Variants in LGR5 observed in about 807,000 individuals in gnomAD.
LGR5 encodes leucine-rich repeat-containing G protein-coupled receptor 5.
A neutral mutation model predicts 76.7 loss-of-function variants in LGR5; 54 were observed. The ratio of observed to expected loss-of-function variants is 0.70; its 90% CI spans 0.57 to 0.88. The LOEUF is 0.88. LGR5 is among the 40% of genes least tolerant of loss of function. The pLI is 0.00. For missense variants in LGR5, 1,078 were observed against 1,073.3 expected, an observed-to-expected ratio of 1.00 and a Z score of -0.06; for synonymous variants, 406 against 421.9, an observed-to-expected ratio of 0.96 and a Z score of 0.46.
At chr12:71,538,081 T>C (rs1156528068) in intron 4 of LGR5, among the ~76,000 whole-genome samples, 2 of 152,194 alleles carry the variant, frequency 1.3e-5, no homozygotes, top group African/African-American at 4.8e-5. Context: ...CCTGGCCTTG[T>C]ATAAAGAGTA....
At chr12:71,442,957 G>A (rs1486819517) in intron 1 of LGR5, among the ~76,000 whole-genome samples, 2 of 152,110 alleles carry the variant, frequency 1.3e-5, no homozygotes, top group Non-Finnish European at 2.9e-5. Flanking sequence ...CACTCCACTG[G>A]GGCCCAGTAG....
At chr12:71,468,383 C>T (rs1872945833) in intron 1 of LGR5, among the ~76,000 whole-genome samples, 1 of 152,120 alleles carries the variant, frequency 6.6e-6, no homozygotes, top group African/African-American at 2.4e-5. Context: ...GTTTGAGGCA[C>T]AATTGCAGAG....
chr12:71,461,484 T>G (rs1234855886), intron 1 of LGR5, among the ~76,000 whole-genome samples: 7 of 152,182 alleles, frequency 4.6e-5, no homozygotes, highest in Non-Finnish European at 8.8e-5. Flanking sequence ...TTTCCGCCTT[T>G]TAGTCTATTT....
chr12:71,582,868 G>A (rs745955372), intron 17 of LGR5, among the ~76,000 whole-genome samples: 3 of 151,816 alleles, frequency 2.0e-5, no homozygotes, highest in Non-Finnish European at 2.9e-5. Flanking sequence ...TGTAATCACC[G>A]ACATTTGAAA....
In LGR5 at chr12:71,439,827, G is replaced by T; in HGVS notation, c.-254G>T. ...CACACCGCTCAGGCCGCGAGCAGCA[G>T]CAAGGCGCACCGCCACTGTCGCCGC... On this transcript the variant is annotated 5_prime_UTR_variant, in exon 1 of 18. Coordinates refer to ENST00000266674, the MANE Select transcript of LGR5 (RefSeq NM_003667.4). The T allele has an allele frequency of 2.1e-6, 1 of 486,696 alleles. No homozygotes were observed. Among genetic ancestry groups the T allele is most frequent in the Non-Finnish European group, 3.6e-6 (1 of 277,834 alleles). The allele number at this position is 486,696 out of a possible 1,614,324, so 30.1% of individuals were successfully genotyped here.
chr12:71,509,428 T>C (rs181044574), intron 2 of LGR5, among the ~76,000 whole-genome samples: 39 of 152,344 alleles, frequency 2.6e-4, no homozygotes, highest in Admixed American at 1.7e-3. Flanking sequence ...TGAGCTTTAA[T>C]GGATATAGGC....
At chr12:71,548,836 A>G (rs1397655120) in intron 4 of LGR5, among the ~76,000 whole-genome samples, 1 of 152,006 alleles carries the variant, frequency 6.6e-6, no homozygotes, top group East Asian at 1.9e-4. Context: ...ACACACACAC[A>G]CACACACACA....
intron 4 of LGR5, among the ~76,000 whole-genome samples, chr12:71,551,500 T>A (rs1385530957): frequency 6.6e-6 from 1 of 152,236 alleles, no homozygotes; most frequent in African/African-American, 2.4e-5. Flanking sequence ...TTCTTTTTTT[T>A]AATCCTACCT....
At chr12:71,479,150 A>AT (rs71068766) in intron 1 of LGR5, among the ~76,000 whole-genome samples, 18 of 152,154 alleles carry the variant, frequency 1.2e-4, no homozygotes, top group African/African-American at 2.2e-4. Context: ...GCTTCCTTTT[A>AT]TTTTTTTCTA....
chr12:71,480,463 C>T (rs903303799), intron 1 of LGR5, among the ~76,000 whole-genome samples: 1 of 151,872 alleles, frequency 6.6e-6, no homozygotes, highest in Non-Finnish European at 1.5e-5. Flanking sequence ...CTGGACAGAA[C>T]CTTGTACCAG....
At chr12:71,555,589 C>T (rs909130025) in intron 5 of LGR5, among the ~76,000 whole-genome samples, 1 of 152,188 alleles carries the variant, frequency 6.6e-6, no homozygotes, top group African/African-American at 2.4e-5. Context: ...GGAAGGTAGC[C>T]ATTATAGGCC....
At chr12:71,486,730 T>G in intron 1 of LGR5, among the ~76,000 whole-genome samples, 1 of 152,184 alleles carries the variant, frequency 6.6e-6, no homozygotes, top group East Asian at 1.9e-4. Context: ...TCTCAGATTG[T>G]ACTCCTTGAA....
chr12:71,550,220 G>T (rs185777217), intron 4 of LGR5, among the ~76,000 whole-genome samples: 1 of 151,056 alleles, frequency 6.6e-6, no homozygotes, highest in South Asian at 2.1e-4. Context: ...GCAAGATCTC[G>T]GCTCACTGCA....
chr12:71,491,037 G>T (rs1285910982), intron 1 of LGR5, among the ~76,000 whole-genome samples: 1 of 152,128 alleles, frequency 6.6e-6, no homozygotes, highest in Non-Finnish European at 1.5e-5. Context: ...GCGAATAAGA[G>T]ATCTGATCGT....
intron 1 of LGR5, among the ~76,000 whole-genome samples, chr12:71,476,010 G>A (rs538912735): frequency 6.6e-6 from 1 of 152,098 alleles, no homozygotes; most frequent in Non-Finnish European, 1.5e-5. Context: ...TGACACGCAG[G>A]GTTCCTCTGT....
intron 13 of LGR5, among the ~76,000 whole-genome samples, chr12:71,575,692 C>G (rs1040151444): frequency 6.6e-6 from 1 of 150,640 alleles, no homozygotes; most frequent in African/African-American, 2.5e-5. Context: ...ACCTGGGCGA[C>G]AGAGTGAGAC....
At chr12:71,555,804 C>A (rs1429436951) in intron 5 of LGR5, among the ~76,000 whole-genome samples, 1 of 152,118 alleles carries the variant, frequency 6.6e-6, no homozygotes. Context: ...TACCATTTGA[C>A]CCAGCAATCC....
chr12:71,485,707 G>A (rs1217991717), intron 1 of LGR5, among the ~76,000 whole-genome samples: 1 of 152,076 alleles, frequency 6.6e-6, no homozygotes, highest in Non-Finnish European at 1.5e-5. Flanking sequence ...TCCAGCCTGG[G>A]CAACAGAGCA....
At chr12:71,542,591 C>T (rs1249972918) in intron 4 of LGR5, among the ~76,000 whole-genome samples, 3 of 151,988 alleles carry the variant, frequency 2.0e-5, no homozygotes, top group Admixed American at 6.6e-5. Context: ...GAGATGGATT[C>T]GAGAAATATC....
Sources: allele counts gnomAD v4.1 joint callset (sites outside exome capture counted in the v4.1 genomes callset), GRCh38; gene constraint gnomAD v4.1.1; transcripts MANE v1.5; gene names NCBI Gene and HGNC (gene_info 2026-07-23, HGNC 2026-07-21).